The following LYVE1 variants were observed in gnomAD, a reference collection of about 807,000 sequenced individuals.
LYVE1 encodes lymphatic vessel endothelial hyaluronan receptor 1.
A neutral mutation model predicts 31.5 loss-of-function variants in LYVE1; 29 were observed. That is an observed-to-expected ratio of 0.92 (90% confidence interval 0.69 to 1.26). The LOEUF is 1.26. Ranked by LOEUF, LYVE1 falls within the 50% of genes most tolerant of loss-of-function variation. The pLI is 0.00. For synonymous variants in LYVE1, 134 were observed against 139.4 expected (o/e 0.96, Z 0.27); for missense variants, 376 against 380.2 (o/e 0.99, Z 0.09).
At chr11:10,566,688 T>C (rs1293271616) in intron 1 of LYVE1, among the ~76,000 whole-genome samples, 1 of 152,150 alleles carries the variant, frequency 6.6e-6, no homozygotes, top group Non-Finnish European at 1.5e-5. Flanking sequence ...TTTAGAGGAG[T>C]GATAGACTTA....
At chr11:10,563,731 G>A (rs966308207) in intron 3 of LYVE1, among the ~76,000 whole-genome samples, 5 of 152,164 alleles carry the variant, frequency 3.3e-5, no homozygotes, top group African/African-American at 1.2e-4. Flanking sequence ...GTCTTCTCGT[G>A]TGTTGCCATT....
Position 10,559,126 on chromosome 11 carries a change from C to T in LYVE1, c.954G>A (p.Leu318=). Residue 318 remains leucine (L), a synonymous_variant, in exon 6 of 6, where the codon CTG becomes CTA. Transcript: ENST00000256178. The part of the protein sequence containing the change: ...KSPSKTTVRC[L]EAEV ...TCTGTCTCATCTAAACTTCAGCTTC[C>T]AGGCATCGCACGGTAGTTTTGCTTG... 1 of 1,613,612 alleles carries T rather than the reference C, an allele frequency of 6.2e-7. No homozygotes were observed. The highest frequency in any genetic ancestry group is 1.3e-5 in the African/African-American group (1 of 74,950).
In LYVE1 at chr11:10,557,781, T is replaced by C. The variant is rs1004036128; in HGVS notation, c.*1330A>G. Reference sequence around the variant, plus strand: ...TTAACAACCAACATTGTCCCTTTTATTTTTGCAAACAATATGATATGATCT... The same window carrying C: ...TTAACAACCAACATTGTCCCTTTTACTTTTGCAAACAATATGATATGATCT... On this transcript the variant is annotated 3_prime_UTR_variant, in exon 6 of 6. Coordinates refer to ENST00000256178, the MANE Select transcript of LYVE1 (RefSeq NM_006691.4). 2 of 152,256 alleles carry C rather than the reference T, an allele frequency of 1.3e-5. No individual in the cohort carries two copies. Among genetic ancestry groups the C allele is most frequent in the Non-Finnish European group, 1.5e-5 (1 of 68,042 alleles). The allele number at this position is 152,256 out of a possible 1,614,324, so 9.4% of individuals were successfully genotyped here.
chr11:10,561,664 G>A (rs1384306290), intron 3 of LYVE1, among the ~76,000 whole-genome samples: 1 of 152,182 alleles, frequency 6.6e-6, no homozygotes, highest in Admixed American at 6.5e-5. Context: ...CTAAACCCTT[G>A]TTTACACAGG....
At position 10,558,676 on chromosome 11, in the gene LYVE1, A is replaced by C. The variant is rs1850357385; in HGVS notation, c.*435T>G. 1 of 155,622 alleles carries C rather than the reference A, an allele frequency of 6.4e-6. No individual in the cohort carries two copies. The highest frequency in any genetic ancestry group is 1.4e-5 in the Non-Finnish European group (1 of 70,600). The allele number at this position is 155,622 out of a possible 1,614,324, so 9.6% of individuals were successfully genotyped here. On this transcript the variant is annotated 3_prime_UTR_variant, in exon 6 of 6. Coordinates refer to ENST00000256178, the MANE Select transcript of LYVE1 (RefSeq NM_006691.4). The stretch of plus-strand genomic sequence containing the variant: ...GGTGGGATACGTGTTTCTCTTTCAG[A>C]GCTGAAGAAAGGGTCTGAGCTGCGG...
rs368490518 is a variant in LYVE1, at chr11:10,559,807, C to A, written c.782+9G>T. 1 of 1,613,266 alleles carries A rather than the reference C, an allele frequency of 6.2e-7. No individual in the cohort carries two copies. The highest frequency in any genetic ancestry group is 1.3e-5 in the African/African-American group (1 of 74,908). ...GATTACAAGACTAGCAGTGCACCAA[C>A]AACCCTACCTTTTGACATAGCAAAA... On this transcript the variant is annotated intron_variant, in intron 5 of 5. Transcript: ENST00000256178.
chr11:10,560,582 A>C lies in LYVE1; in HGVS notation c.616T>G (p.Phe206Val). Residue 206 changes from phenylalanine (F) to valine (V), a missense_variant, in exon 4 of 6, where the codon TTT becomes GTT. Coordinates refer to ENST00000256178, the MANE Select transcript of LYVE1 (RefSeq NM_006691.4). The part of the protein sequence containing the change: ...RKKLICVTEV[F>V]METSTMSTET... ...GTAGACATGGTGCTAGTTTCCATAAAAACTTCTGTGACACAAATCAATTTT... is the reference window on the plus strand; with the variant it reads ...GTAGACATGGTGCTAGTTTCCATAACAACTTCTGTGACACAAATCAATTTT... The C allele has an allele frequency of 6.2e-7, 1 of 1,614,180 alleles. No homozygotes were observed.
chr11:10,564,516 G>A (rs574975770), intron 1 of LYVE1, 142 bp from the exon 2 acceptor site: 2 of 686,290 alleles, frequency 2.9e-6, no homozygotes, highest in African/African-American at 1.8e-5. Flanking sequence ...ACAGGACACA[G>A]ACCAGGCATT....
intron 3 of LYVE1, 27 bp downstream of exon 3, chr11:10,563,913 C>T (rs374520018): frequency 3.7e-6 from 6 of 1,613,712 alleles, no homozygotes; most frequent in Non-Finnish European, 5.1e-6. Context: ...GAGAATGCCA[C>T]GTGGAAAGGT....
chr11:10,564,311 TG>T lies in LYVE1; in HGVS notation c.148del (p.Gln50SerfsTer3). 6.2e-7 allele frequency: 1 copy of T among 1,614,212 alleles called. No individual in the cohort carries two copies. Among genetic ancestry groups the T allele is most frequent in the Non-Finnish European group, 8.5e-7 (1 of 1,180,024 alleles). On this transcript the variant is annotated frameshift_variant, in exon 2 of 6. Coordinates refer to ENST00000256178, the MANE Select transcript of LYVE1 (RefSeq NM_006691.4). LOFTEE classifies it high-confidence loss of function. ...GITLVSKKAN[Q>X]QLNFTEAKEA... is the part of the protein sequence containing the mutation. Reference sequence around the variant, plus strand: ...CTTAGCTTCTGTGAAATTCAGCTGCTGGTTCGCCTTTTTGCTCACAAGGGTG... The same window carrying T: ...CTTAGCTTCTGTGAAATTCAGCTGCTGTTCGCCTTTTTGCTCACAAGGGTG...
At chr11:10,565,240 C>T (rs1168498961) in intron 1 of LYVE1, among the ~76,000 whole-genome samples, 4 of 152,144 alleles carry the variant, frequency 2.6e-5, no homozygotes, top group African/African-American at 9.7e-5. Context: ...TGGTTTTGGT[C>T]TGCTAATGAT....
At chr11:10,561,190 T>C (rs531705691) in intron 3 of LYVE1, among the ~76,000 whole-genome samples, 30 of 152,352 alleles carry the variant, frequency 2.0e-4, no homozygotes, top group African/African-American at 7.2e-4. Flanking sequence ...AGGTCTCAGA[T>C]TGACCCTGTC....
At chr11:10,564,858 G>GT (rs1850504517) in intron 1 of LYVE1, among the ~76,000 whole-genome samples, 1 of 152,192 alleles carries the variant, frequency 6.6e-6, no homozygotes. Context: ...ATAAAAGAAT[G>GT]TGAGTGCTCT....
chr11:10,561,380 T>C (rs1425471726), intron 3 of LYVE1, among the ~76,000 whole-genome samples: 1 of 151,954 alleles, frequency 6.6e-6, no homozygotes. Context: ...AACTATTTGA[T>C]GAATAGGGAA....
rs7112438 is a variant in LYVE1 at position 10,567,736 on chromosome 11, C to T, written c.85+712G>A. Among the ~76,000 whole-genome samples the T allele has an allele frequency of 9.3e-3, 1,414 of 152,292 alleles. 24 individuals carry two copies. The highest frequency in any genetic ancestry group is 0.032 in the African/African-American group (1,331 of 41,560). ...CAAAAGCCCAGCGATCACTTTAAGT[C>T]ATTCCTTTAGTAGACAGCCGATGGC... On this transcript the variant is annotated intron_variant, in intron 1 of 5. Transcript: ENST00000256178.
chr11:10,564,396 C>T (rs748620191), intron 1 of LYVE1, 22 bp from the exon 2 acceptor site: 11 of 1,604,732 alleles, frequency 6.9e-6, no homozygotes, highest in East Asian at 2.2e-5. Context: ...TCACATAGGT[C>T]CTCAGTTTGC....
rs146540416 is a variant in LYVE1, at chr11:10,564,312, G to C, written c.148C>G (p.Gln50Glu). 3.9e-4 allele frequency: 623 copies of C among 1,614,032 alleles called. 3 individuals carry two copies. The highest frequency in any genetic ancestry group is 5.1e-5 in the Non-Finnish European group (60 of 1,180,032). Residue 50 changes from glutamine to glutamate, a missense_variant, in exon 2 of 6, where the codon CAG becomes GAG. Transcript: ENST00000256178. The part of the protein sequence containing the change: ...GITLVSKKAN[Q>E]QLNFTEAKEA... ...TTAGCTTCTGTGAAATTCAGCTGCT[G>C]GTTCGCCTTTTTGCTCACAAGGGTG...
chr11:10,568,001 T>TA (rs1033766675), intron 1 of LYVE1, among the ~76,000 whole-genome samples: 21 of 151,790 alleles, frequency 1.4e-4, no homozygotes, highest in African/African-American at 3.4e-4. Context: ...ATGAAATACT[T>TA]AAAAAAAAAT....
At chr11:10,559,918 T>C (rs1158782591) in intron 4 of LYVE1, 24 bp from the exon 5 acceptor site, 3 of 1,544,362 alleles carry the variant, frequency 1.9e-6, no homozygotes, top group East Asian at 2.2e-5. Context: ...AGACAAGGCC[T>C]GTTGGTCCTT....
Sources: allele counts gnomAD v4.1 joint callset (sites outside exome capture counted in the v4.1 genomes callset), GRCh38; gene constraint gnomAD v4.1.1; transcripts MANE v1.5; gene names NCBI Gene and HGNC (gene_info 2026-07-23, HGNC 2026-07-21).